BCKDHB: variants seen among roughly 807,000 people sequenced by gnomAD.
BCKDHB encodes the protein branched chain keto acid dehydrogenase E1 subunit beta.
Under a neutral mutation model 48.5 loss-of-function variants are expected in BCKDHB, and 41 were observed. That is an observed-to-expected ratio of 0.85 (90% confidence interval 0.66 to 1.10). The LOEUF is 1.10. Among genes scored for constraint, BCKDHB ranks in the 50% least tolerant of loss-of-function variants. BCKDHB has a pLI of 0.00. For synonymous variants in BCKDHB, 201 were observed against 174.8 expected (o/e 1.15, Z -1.18); for missense variants, 496 against 494.2 (o/e 1.00, Z -0.03).
At chr6:80,241,873 T>C (rs1188738590) in intron 8 of BCKDHB, among the ~76,000 whole-genome samples, 1 of 152,238 alleles carries the variant, frequency 6.6e-6, no homozygotes, top group Non-Finnish European at 1.5e-5. Flanking sequence ...ACATCTTGTC[T>C]GTAAATTTGC....
intron 9 of BCKDHB, among the ~76,000 whole-genome samples, chr6:80,326,352 C>T (rs898160153): frequency 3.3e-5 from 5 of 152,134 alleles, no homozygotes; most frequent in Non-Finnish European, 7.3e-5. Context: ...TGAGGCATCA[C>T]TTAGATTTGG....
At chr6:80,128,123 AT>A (rs1173632145) in intron 2 of BCKDHB, among the ~76,000 whole-genome samples, 7 of 151,744 alleles carry the variant, frequency 4.6e-5, no homozygotes, top group African/African-American at 1.7e-4. Flanking sequence ...ATGTTTTCAA[AT>A]TTGATTGGCT....
chr6:80,379,034 TC>T, the BCKDHB span, among the ~76,000 whole-genome samples: 3 of 152,016 alleles, frequency 2.0e-5, no homozygotes, highest in African/African-American at 7.2e-5. Context: ...CTACTACCAA[TC>T]TTGCTGAAAC....
At chr6:80,112,949 G>T (rs537680144) in intron 1 of BCKDHB, among the ~76,000 whole-genome samples, 1 of 152,156 alleles carries the variant, frequency 6.6e-6, no homozygotes, top group Non-Finnish European at 1.5e-5. Context: ...CTTGCTTCCC[G>T]TTCCACTAGA....
chr6:80,422,141 G>A, the BCKDHB span, among the ~76,000 whole-genome samples: 1 of 152,156 alleles, frequency 6.6e-6, no homozygotes, highest in Non-Finnish European at 1.5e-5. Flanking sequence ...CTGTGGACCT[G>A]GTACCCTGCA....
At chr6:80,300,337 C>G (rs1379689447) in intron 9 of BCKDHB, among the ~76,000 whole-genome samples, 1 of 152,072 alleles carries the variant, frequency 6.6e-6, no homozygotes, top group African/African-American at 2.4e-5. Context: ...CAGATGTGAA[C>G]CACCATACCT....
chr6:80,396,688 G>A, the BCKDHB span, among the ~76,000 whole-genome samples: 3 of 152,232 alleles, frequency 2.0e-5, no homozygotes, highest in African/African-American at 7.2e-5. Flanking sequence ...GTGATAGTCA[G>A]TGAATTCTCA....
At chr6:80,321,797 C>T (rs747464878) in intron 9 of BCKDHB, among the ~76,000 whole-genome samples, 24 of 152,170 alleles carry the variant, frequency 1.6e-4, no homozygotes, top group Non-Finnish European at 3.1e-4. Flanking sequence ...TGATTCTCTT[C>T]TGTCTTTCCG....
intron 6 of BCKDHB, among the ~76,000 whole-genome samples, chr6:80,186,199 G>T (rs1385618568): frequency 2.0e-5 from 3 of 152,144 alleles, no homozygotes; most frequent in Non-Finnish European, 4.4e-5. Flanking sequence ...CTACCAGGGT[G>T]GGTAGTGAAA....
At chr6:80,298,483 G>A (rs1767379400) in intron 9 of BCKDHB, among the ~76,000 whole-genome samples, 1 of 152,202 alleles carries the variant, frequency 6.6e-6, no homozygotes, top group Admixed American at 6.5e-5. Context: ...TTTACCAAAT[G>A]TAACCTCCAA....
the BCKDHB span, among the ~76,000 whole-genome samples, chr6:80,422,898 T>G: frequency 6.6e-6 from 1 of 152,094 alleles, no homozygotes; most frequent in Non-Finnish European, 1.5e-5. Flanking sequence ...ACTTCAACAT[T>G]TGAGTTACTG....
chr6:80,288,813 C>T (rs1043252219), intron 9 of BCKDHB, among the ~76,000 whole-genome samples: 1 of 151,858 alleles, frequency 6.6e-6, no homozygotes, highest in Non-Finnish European at 1.5e-5. Context: ...AATGCCCAGC[C>T]TTTTCAGATA....
At chr6:80,226,441 G>A (rs1321563893) in intron 8 of BCKDHB, among the ~76,000 whole-genome samples, 1 of 152,180 alleles carries the variant, frequency 6.6e-6, no homozygotes, top group African/African-American at 2.4e-5. Context: ...TTGGACTGAA[G>A]CCTCTAGCCA....
chr6:80,464,712 A>G, the BCKDHB span, among the ~76,000 whole-genome samples: 11 of 152,196 alleles, frequency 7.2e-5, no homozygotes, highest in Non-Finnish European at 1.2e-4. Flanking sequence ...AGGCCACAAT[A>G]TTCATTATAC....
chr6:80,356,443 AATGATGATT>A, the BCKDHB span: 1 of 152,190 alleles, frequency 6.6e-6, no homozygotes, highest in Non-Finnish European at 1.5e-5. Context: ...ACAATTTTCA[AATGATGATT>A]ATGAAAATTA....
intron 9 of BCKDHB, among the ~76,000 whole-genome samples, chr6:80,334,663 G>A (rs1308330006): frequency 1.3e-5 from 2 of 151,148 alleles, no homozygotes; most frequent in African/African-American, 2.4e-5. Flanking sequence ...TTTAATTTTA[G>A]TAAAAACATT....
intron 6 of BCKDHB, among the ~76,000 whole-genome samples, chr6:80,173,717 A>G (rs185374370): frequency 6.6e-6 from 1 of 151,664 alleles, no homozygotes; most frequent in African/African-American, 2.4e-5. Context: ...GTTCTTATAT[A>G]GAGAGGATGC....
intron 1 of BCKDHB, among the ~76,000 whole-genome samples, chr6:80,121,695 C>CA (rs1247605109): frequency 6.6e-6 from 1 of 152,164 alleles, no homozygotes; most frequent in African/African-American, 2.4e-5. Context: ...GATTTTTGCA[C>CA]ATTGATTTTG....
chr6:80,317,806 A>G (rs911050917), intron 9 of BCKDHB, among the ~76,000 whole-genome samples: 1 of 152,158 alleles, frequency 6.6e-6, no homozygotes, highest in Middle Eastern at 3.2e-3. Context: ...ACCTCACCAC[A>G]GTGGGCCCAG....
Sources: allele counts gnomAD v4.1 joint callset (sites outside exome capture counted in the v4.1 genomes callset), GRCh38; gene constraint gnomAD v4.1.1; transcripts MANE v1.5; gene names NCBI Gene and HGNC (gene_info 2026-07-23, HGNC 2026-07-21).